Variants in ZFYVE26 observed in about 807,000 individuals in gnomAD.
ZFYVE26 encodes zinc finger FYVE-type containing 26, also known as zinc finger FYVE domain-containing protein 26.
A neutral mutation model predicts 276.5 loss-of-function variants in ZFYVE26; 181 were observed. The observed-to-expected ratio is 0.65, with a 90% CI of 0.58 to 0.74. The LOEUF (loss-of-function observed/expected upper bound fraction) is 0.74, where lower values mean the gene tolerates loss of function less well. Ranked by LOEUF, ZFYVE26 falls within the 30% of genes least tolerant of loss-of-function variation. ZFYVE26 has a pLI of 0.00. For missense variants in ZFYVE26, 2,821 were observed against 3,097.9 expected, an observed-to-expected ratio of 0.91 and a Z score of 2.12; for synonymous variants, 1,129 against 1,203.1, an observed-to-expected ratio of 0.94 and a Z score of 1.27.
At chr14:67,760,850 G>A (rs1200607113) in intron 35 of ZFYVE26, 1 of 198,814 alleles carries the variant, frequency 5.0e-6, no homozygotes, top group East Asian at 1.2e-4. Context: ...GGCAGAGGAT[G>A]GGAGAAGAAA....
chr14:67,797,988 T>G, intron 11 of ZFYVE26, 26 bp downstream of exon 11: 3 of 1,613,838 alleles, frequency 1.9e-6, no homozygotes, highest in Non-Finnish European at 2.5e-6. Context: ...CACCTTCTGG[T>G]CCCACCAGTT....
intron 16 of ZFYVE26, 40 bp from the exon 17 acceptor site, chr14:67,786,273 A>AAAAAAAAAAAC: frequency 6.3e-7 from 1 of 1,591,784 alleles, no homozygotes; most frequent in South Asian, 1.1e-5. Context: ...AAAAAAAAAA[A>AAAAAAAAAAAC]ATTGAAGTGT....
In ZFYVE26 at chr14:67,815,948, C is replaced by T. The variant is rs749527383; in HGVS notation, c.16G>A (p.Gly6Arg). 1.8e-5 allele frequency: 29 copies of T among 1,611,888 alleles called. No homozygotes were observed. In the African/African-American group the frequency reaches 3.6e-4, roughly 20 times the overall value. MNHPF[G>R]KEEAASQKQL... The stretch of plus-strand genomic sequence containing the variant: ...TTCTGCGAAGCAGCTTCCTCTTTTC[C>T]AAATGGATGATTCATTTTCCCAGCA... Residue 6 changes from glycine to arginine, a missense_variant, in exon 2 of 42, where the codon GGA becomes AGA. Physicochemically the swap from Gly to Arg is moderately radical, Grantham distance 125. Coordinates refer to ENST00000347230, the MANE Select transcript of ZFYVE26 (RefSeq NM_015346.4).
intron 13 of ZFYVE26, chr14:67,735,423 T>A: frequency 7.9e-6 from 5 of 636,680 alleles, no homozygotes; most frequent in Non-Finnish European, 8.6e-6. Context: ...AGTTAACATC[T>A]GAGCAAGTGA....
rs2039156116 is a variant in ZFYVE26, at chr14:67,769,740, G to A, written c.5485-10C>T. 6 of 1,613,958 alleles carry A rather than the reference G, an allele frequency of 3.7e-6. No homozygotes were observed. Among genetic ancestry groups the A allele is most frequent in the Non-Finnish European group, 5.1e-6 (6 of 1,180,000 alleles). ...GATGACGCCTGTTAAACTGAGGAAT[G>A]CCATCAGGAGGAGAAGAAAGAGGGA... On this transcript the variant is annotated splice_polypyrimidine_tract_variant and intron_variant, in intron 28 of 41. Transcript: ENST00000347230.
Position 67,766,397 on chromosome 14 carries a change from G to T in ZFYVE26, c.5841C>A (p.Ser1947Arg). 1 of 1,612,606 alleles carries T rather than the reference G, an allele frequency of 6.2e-7. No individual in the cohort carries two copies. The highest frequency in any genetic ancestry group is 8.5e-7 in the Non-Finnish European group (1 of 1,180,026). ...CAATCAGCTGGTGACCACAGGCAATGCTGTCCCGGTGCAGATTCAGGATGG... is the reference window on the plus strand; with the variant it reads ...CAATCAGCTGGTGACCACAGGCAATTCTGTCCCGGTGCAGATTCAGGATGG... The part of the protein sequence containing the change: ...CIAILNLHRD[S>R]IACGHQLIEH... Residue 1947 changes from serine to arginine, a missense_variant, in exon 32 of 42, where the codon AGC becomes AGA. Coordinates refer to ENST00000347230, the MANE Select transcript of ZFYVE26 (RefSeq NM_015346.4).
chr14:67,753,337 G>A (rs995122274), intron 39 of ZFYVE26, among the ~76,000 whole-genome samples: 1 of 152,176 alleles, frequency 6.6e-6, no homozygotes, highest in Non-Finnish European at 1.5e-5. Flanking sequence ...GCCAGCTCCT[G>A]TACAGACCAA....
At chr14:67,793,057 C>T (rs1206110630) in intron 14 of ZFYVE26, among the ~76,000 whole-genome samples, 2 of 151,528 alleles carry the variant, frequency 1.3e-5, no homozygotes, top group Admixed American at 6.6e-5. Flanking sequence ...GTCAGGAGTT[C>T]GAGACCAGCC....
At chr14:67,731,207 C>CTTTTTTTTTTTTTTT (rs71129853) in intron 13 of ZFYVE26, among the ~76,000 whole-genome samples, 5 of 90,612 alleles carry the variant, frequency 5.5e-5, no homozygotes, top group African/African-American at 9.8e-5. Context: ...TTCTTTCTTT[C>CTTTTTTTTTTTTTTT]TTTTTTTTTT....
At chr14:67,782,078 C>T (rs2140221545) in intron 21 of ZFYVE26, among the ~76,000 whole-genome samples, 1 of 152,336 alleles carries the variant, frequency 6.6e-6, no homozygotes, top group African/African-American at 2.4e-5. Context: ...GTGGATTTCT[C>T]CACCTTTTCA....
intron 3 of ZFYVE26, among the ~76,000 whole-genome samples, chr14:67,813,274 C>G (rs111867452): frequency 6.6e-6 from 1 of 152,192 alleles, no homozygotes; most frequent in Admixed American, 6.5e-5. Context: ...GGTTTCAGCA[C>G]CAGCTCTGTC....
chr14:67,751,058 G>A lies in ZFYVE26; in HGVS notation c.7410C>T (p.Asp2470=). Residue 2470 remains aspartate, a synonymous_variant, in exon 41 of 42, where the codon GAC becomes GAT. Transcript: ENST00000347230. The stretch of plus-strand genomic sequence containing the variant: ...TGGAGACAATTCCGCTCACCTTGTT[G>A]TCATCATTGTGTATTGCCTGGATCA... ...EGLIQAIHND[D]NKVRAYLICC... 6.2e-7 allele frequency: 1 copy of A among 1,614,192 alleles called. No individual in the cohort carries two copies. The highest frequency in any genetic ancestry group is 8.5e-7 in the Non-Finnish European group (1 of 1,180,034).
intron 13 of ZFYVE26, chr14:67,735,105 G>A: frequency 1.3e-6 from 1 of 770,694 alleles, no homozygotes; most frequent in Non-Finnish European, 2.4e-6. Flanking sequence ...AGCAAAGAAT[G>A]CAAAAGAAAA....
At position 67,768,660 on chromosome 14, in the gene ZFYVE26, T is replaced by C. The variant is rs903916234; in HGVS notation, c.5622-112A>G. The C allele has an allele frequency of 6.2e-5, 64 of 1,024,178 alleles. No individual in the cohort carries two copies. The African/African-American group carries it at 9.2e-4, about 15-fold the overall frequency. The allele number at this position is 1,024,178 out of a possible 1,614,324, so 63.4% of individuals were successfully genotyped here. A position where few individuals can be genotyped will look rare whatever the true frequency, so the allele number is the denominator to read the frequency against. On this transcript the variant is annotated intron_variant, in intron 29 of 41. Transcript: ENST00000347230. ...TCTCCCTGGTACAATGGAGGGCTCTTTGAGGGTAGAATTGTTGAATGAAAG... is the reference window on the plus strand; with the variant it reads ...TCTCCCTGGTACAATGGAGGGCTCTCTGAGGGTAGAATTGTTGAATGAAAG...
intron 26 of ZFYVE26, 32 bp from the exon 27 acceptor site, chr14:67,775,146 G>A (rs1247862530): frequency 1.3e-6 from 2 of 1,483,774 alleles, no homozygotes; most frequent in Non-Finnish European, 1.9e-6. Context: ...ACAAAATATG[G>A]TTCTACCATA....
At chr14:67,737,718 G>A (rs1366624227) in intron 13 of ZFYVE26, among the ~76,000 whole-genome samples, 3 of 152,134 alleles carry the variant, frequency 2.0e-5, no homozygotes, top group African/African-American at 4.8e-5. Flanking sequence ...CAAAAGAGTA[G>A]TACCCATATT....
intron 35 of ZFYVE26, chr14:67,761,027 C>G (rs1218382109): frequency 3.4e-6 from 2 of 582,878 alleles, no homozygotes; most frequent in Admixed American, 3.0e-5. Context: ...GAAGCAGACT[C>G]TAAGCAATAT....
chr14:67,768,034 T>G (rs1248511024), intron 30 of ZFYVE26, among the ~76,000 whole-genome samples, 194 bp from the exon 31 acceptor site: 2 of 152,176 alleles, frequency 1.3e-5, no homozygotes, highest in Non-Finnish European at 2.9e-5. Context: ...GGCATAGACC[T>G]GAGGCGAGTG....
intron 15 of ZFYVE26, among the ~76,000 whole-genome samples, chr14:67,789,987 T>C (rs372822768): frequency 2.0e-5 from 3 of 152,242 alleles, no homozygotes; most frequent in East Asian, 3.8e-4. Flanking sequence ...TTCTTGTGAA[T>C]AGGCATAGAA....
Sources: gnomAD v4.1 joint callset for allele counts (sites outside exome capture counted in the v4.1 genomes callset) on GRCh38, gnomAD v4.1.1 for gene constraint, MANE v1.5 for transcripts, NCBI Gene and HGNC (gene_info 2026-07-23, HGNC 2026-07-21) for gene names.